Variants in SLC6A3 observed in about 807,000 individuals in gnomAD.
SLC6A3 encodes the protein sodium-dependent dopamine transporter.
A neutral mutation model predicts 70.4 loss-of-function variants in SLC6A3; 19 were observed. The ratio of observed to expected loss-of-function variants is 0.27; its 90% confidence interval spans 0.19 to 0.40. The LOEUF (loss-of-function observed/expected upper bound fraction) is 0.40, where lower values mean the gene tolerates loss of function less well. SLC6A3 is among the 10% of genes least tolerant of loss of function. The pLI, the probability that SLC6A3 is intolerant of heterozygous loss-of-function variation, is 1.00. For synonymous variants in SLC6A3, 368 were observed against 356.6 expected (o/e 1.03, Z -0.36); for missense variants, 613 against 838.5 (o/e 0.73, Z 3.32).
Position 1,438,282 on chromosome 5 carries a change from C to T in SLC6A3, c.418+3077G>A, listed in dbSNP as rs1330754108. Among the ~76,000 whole-genome samples the T allele has an allele frequency of 6.6e-6, 1 of 152,254 alleles. No individual in the cohort carries two copies. Among genetic ancestry groups the T allele is most frequent in the Non-Finnish European group, 1.5e-5 (1 of 68,050 alleles). ...CCACGAGCCTTCCTTCCTGCGGCCA[C>T]ACTTTGCAGCCCTCCTCTGGGACTA... On this transcript the variant is annotated intron_variant, in intron 3 of 14. Coordinates refer to ENST00000270349, the MANE Select transcript of SLC6A3 (RefSeq NM_001044.5). This position sits in a 1 kb window ranked among gnomAD's most constrained non-coding sequence, Gnocchi z 6.5.
At chr5:1,423,530 G>T (rs1431099351) in intron 4 of SLC6A3, among the ~76,000 whole-genome samples, 1 of 152,250 alleles carries the variant, frequency 6.6e-6, no homozygotes, top group African/African-American at 2.4e-5. Flanking sequence ...ATTCCACAAG[G>T]AACAGATTCA....
intron 6 of SLC6A3, among the ~76,000 whole-genome samples, chr5:1,419,690 C>G (rs1756389776): frequency 6.6e-6 from 1 of 152,184 alleles, no homozygotes; most frequent in Non-Finnish European, 1.5e-5. Flanking sequence ...CCTGGTTGTC[C>G]TCCTCTCTCT....
intron 4 of SLC6A3, among the ~76,000 whole-genome samples, chr5:1,428,009 T>C (rs1344471676): frequency 6.6e-6 from 1 of 152,040 alleles, no homozygotes; most frequent in African/African-American, 2.4e-5. Context: ...CTCTCTGACA[T>C]TTATGCAACT....
intron 4 of SLC6A3, among the ~76,000 whole-genome samples, chr5:1,430,375 G>T (rs1756667151): frequency 6.6e-6 from 1 of 152,170 alleles, no homozygotes; most frequent in Non-Finnish European, 1.5e-5. Flanking sequence ...CCCAAAACCT[G>T]CCTCCGCCCC....
In SLC6A3 at chr5:1,409,823, G is replaced by A. The variant is rs115254960; in HGVS notation, c.1296C>T (p.Thr432=). 1.2e-4 allele frequency: 196 copies of A among 1,613,320 alleles called. 2 individuals are homozygous for A. The highest frequency in any genetic ancestry group is 1.5e-4 in the Non-Finnish European group (173 of 1,180,010). The change falls in exon 10 of 15, where the codon ACC becomes ACT. Residue 432 remains threonine (T), a synonymous_variant. Transcript: ENST00000270349. ...GCAGCTGGAACTCATCGATGAGCCC[G>A]GTGATCACTGACTCCATACCACCCA... The part of the protein sequence containing the change: ...SAMGGMESVI[T]GLIDEFQLLH...
chr5:1,427,446 A>G (rs1756596573), intron 4 of SLC6A3, among the ~76,000 whole-genome samples: 1 of 152,236 alleles, frequency 6.6e-6, no homozygotes, highest in African/African-American at 2.4e-5. Flanking sequence ...CAAAACAGGG[A>G]ATAAATAGAG....
In SLC6A3 at chr5:1,405,584, G is replaced by A. The variant is rs1755954698; in HGVS notation, c.1599+604C>T. On this transcript the variant is annotated intron_variant, in intron 12 of 14. Coordinates refer to ENST00000270349, the MANE Select transcript of SLC6A3 (RefSeq NM_001044.5). This position sits in a 1 kb window ranked among gnomAD's most constrained non-coding sequence, Gnocchi z 5.3. ...AGCCTCCAGGCCTCTGTGGTTCAGTGGGGGAAGCACTGCAGGCAATCCCTA... is the reference window on the plus strand; with the variant it reads ...AGCCTCCAGGCCTCTGTGGTTCAGTAGGGGAAGCACTGCAGGCAATCCCTA... Among the ~76,000 whole-genome samples the A allele has an allele frequency of 6.6e-6, 1 of 152,244 alleles. No individual in the cohort carries two copies. Among genetic ancestry groups the A allele is most frequent in the Non-Finnish European group, 1.5e-5 (1 of 68,044 alleles).
rs1316548948 is a variant in SLC6A3, at chr5:1,413,961, C to T, written c.1156+730G>A. On this transcript the variant is annotated intron_variant, in intron 8 of 14. Coordinates refer to ENST00000270349, the MANE Select transcript of SLC6A3 (RefSeq NM_001044.5). This position sits in a 1 kb window ranked among gnomAD's most constrained non-coding sequence, Gnocchi z 7.1. The stretch of plus-strand genomic sequence containing the variant: ...GTGGCCAAGGCCTCCCCCCACCACT[C>T]ACCTGTGCCTGCCCGAGACCTGGAC... Among the ~76,000 whole-genome samples, 1 of 152,192 alleles carries T rather than the reference C, an allele frequency of 6.6e-6. No individual in the cohort carries two copies. Among genetic ancestry groups the T allele is most frequent in the African/African-American group, 2.4e-5 (1 of 41,456 alleles).
rs1385106637 is a variant in SLC6A3 at position 1,397,321 on chromosome 5, C to T, written c.1840-2563G>A. On this transcript the variant is annotated intron_variant, in intron 14 of 14. Coordinates refer to ENST00000270349, the MANE Select transcript of SLC6A3 (RefSeq NM_001044.5). The surrounding 1 kb of genome is among the most constrained non-coding windows in gnomAD (Gnocchi z 4.7). ...TGGTGGGTGCCTGCAGTCCCAGCTA[C>T]TCGGGAGGCTGAGGCAGGAGAATGG... Among the ~76,000 whole-genome samples the T allele has an allele frequency of 6.6e-6, 1 of 152,320 alleles. No individual in the cohort carries two copies. The highest frequency in any genetic ancestry group is 1.5e-5 in the Non-Finnish European group (1 of 68,026).
At chr5:1,420,148 C>T (rs1422677542) in intron 6 of SLC6A3, among the ~76,000 whole-genome samples, 1 of 152,324 alleles carries the variant, frequency 6.6e-6, no homozygotes, top group East Asian at 1.9e-4. Flanking sequence ...TGATTTCCAA[C>T]GATGCCCCAA....
rs199702486 is a variant in SLC6A3 at position 1,421,866 on chromosome 5, C to T, written c.792+10G>A. 9.2e-5 allele frequency: 149 copies of T among 1,613,062 alleles called. No homozygotes were observed. The highest frequency in any genetic ancestry group is 5.1e-5 in the Non-Finnish European group (60 of 1,179,968). On this transcript the variant is annotated intron_variant, in intron 5 of 14. Transcript: ENST00000270349. The surrounding 1 kb of genome is among the most constrained non-coding windows in gnomAD (Gnocchi z 7.2). ...GTCTACAGGCCCAATTGGTGACCCC[C>T]GAGCCTCACCTTCCCTGAGGTCTTC...
chr5:1,395,073 C>T (rs974178723), intron 14 of SLC6A3, among the ~76,000 whole-genome samples: 2 of 152,182 alleles, frequency 1.3e-5, no homozygotes, highest in African/African-American at 4.8e-5. Context: ...TGAGAGATGC[C>T]GGGCACCCTC....
chr5:1,435,363 CT>C (rs1437310091), intron 3 of SLC6A3, among the ~76,000 whole-genome samples: 1 of 152,248 alleles, frequency 6.6e-6, no homozygotes, highest in African/African-American at 2.4e-5. Context: ...TTAAAACTTT[CT>C]GTATCAAGTC....
At chr5:1,429,495 C>T (rs1033775740) in intron 4 of SLC6A3, among the ~76,000 whole-genome samples, 5 of 152,306 alleles carry the variant, frequency 3.3e-5, no homozygotes, top group East Asian at 3.9e-4. Flanking sequence ...CTAGTCTGAT[C>T]GTTTAAAATA....
chr5:1,395,154 G>A (rs538204704), intron 14 of SLC6A3, among the ~76,000 whole-genome samples: 87 of 152,222 alleles, frequency 5.7e-4, no homozygotes, highest in Middle Eastern at 3.4e-3. Flanking sequence ...TCTCCCCCAC[G>A]TCCCTCCACC....
At position 1,437,233 on chromosome 5, in the gene SLC6A3, G is replaced by A. The variant is rs1756858270; in HGVS notation, c.418+4126C>T. ...GCCTTTGCACTCCAGCCTGGTGACA[G>A]AGCGAGATTCCGTCTCACAAAAAAA... On this transcript the variant is annotated intron_variant, in intron 3 of 14. Transcript: ENST00000270349. The surrounding 1 kb of genome is among the most constrained non-coding windows in gnomAD (Gnocchi z 4.8). 6.8e-6 allele frequency among the ~76,000 whole-genome samples: 1 copy of A among 147,484 alleles called. No homozygotes were observed. Among genetic ancestry groups the A allele is most frequent in the Non-Finnish European group, 1.5e-5 (1 of 67,198 alleles).
Position 1,406,312 on chromosome 5 carries a change from G to C in SLC6A3, c.1499-24C>G, listed in dbSNP as rs1013933284. On this transcript the variant is annotated intron_variant, in intron 11 of 14. Coordinates refer to ENST00000270349, the MANE Select transcript of SLC6A3 (RefSeq NM_001044.5). The surrounding 1 kb of genome is among the most constrained non-coding windows in gnomAD (Gnocchi z 8.8). The stretch of plus-strand genomic sequence containing the variant: ...ACCTGAGGGAGAAGAGGTGGCATCA[G>C]TGTCCATCAGGGCAGCGCATTCCCC... 1.9e-6 allele frequency: 3 copies of C among 1,586,130 alleles called. No homozygotes were observed. Among genetic ancestry groups the C allele is most frequent in the Non-Finnish European group, 2.6e-6 (3 of 1,155,732 alleles).
At chr5:1,434,093 C>T (rs1292816453) in intron 3 of SLC6A3, among the ~76,000 whole-genome samples, 1 of 152,258 alleles carries the variant, frequency 6.6e-6, no homozygotes, top group Non-Finnish European at 1.5e-5. Flanking sequence ...GCCTCTCCTG[C>T]AAGACTACTC....
In SLC6A3 at chr5:1,411,156, T is replaced by C. The variant is rs1018357744; in HGVS notation, c.1269+87A>G. On this transcript the variant is annotated intron_variant, in intron 9 of 14. Coordinates refer to ENST00000270349, the MANE Select transcript of SLC6A3 (RefSeq NM_001044.5). The surrounding 1 kb of genome is among the most constrained non-coding windows in gnomAD (Gnocchi z 6.5). The stretch of plus-strand genomic sequence containing the variant: ...TGGGGGCCGTACGTGAGCCCAGGGA[T>C]CTTGCCTAGCCCTGGGAGGGCAGGG... The C allele has an allele frequency of 1.1e-6, 1 of 917,168 alleles. No homozygotes were observed. The highest frequency in any genetic ancestry group is 1.7e-6 in the Non-Finnish European group (1 of 574,046). 56.8% of individuals were successfully genotyped at this position (917,168 alleles called of 1,614,324 possible).
Sources: gnomAD v4.1 joint callset for allele counts (sites outside exome capture counted in the v4.1 genomes callset) on GRCh38, gnomAD v4.1.1 for gene constraint, Gnocchi (gnomAD v3.1) non-coding constraint, MANE v1.5 for transcripts, NCBI Gene and HGNC (gene_info 2026-07-23, HGNC 2026-07-21) for gene names.